The following DENND2B variants were observed in gnomAD, a reference collection of about 807,000 sequenced individuals.
DENND2B encodes DENN domain-containing protein 2B.
DENND2B carries 32 observed loss-of-function variants against 116.0 expected under a neutral mutation model. That is an observed-to-expected ratio of 0.28 (90% CI 0.21 to 0.37). DENND2B has a LOEUF of 0.37. DENND2B is among the 10% of genes least tolerant of loss of function. DENND2B has a pLI of 1.00. For missense variants in DENND2B, 1,276 were observed against 1,477.7 expected, an observed-to-expected ratio of 0.86 and a Z score of 2.24; for synonymous variants, 588 against 583.9, an observed-to-expected ratio of 1.01 and a Z score of -0.10.
intron 2 of DENND2B, among the ~76,000 whole-genome samples, chr11:8,858,518 C>T (rs1050138452): frequency 1.3e-5 from 2 of 152,036 alleles, no homozygotes; most frequent in African/African-American, 4.8e-5. Context: ...ATCCTAGGAG[C>T]AGGCAAAGGC....
At chr11:8,729,401 A>G (rs77663512) in intron 3 of DENND2B, among the ~76,000 whole-genome samples, 1 of 152,210 alleles carries the variant, frequency 6.6e-6, no homozygotes, top group East Asian at 1.9e-4. Context: ...TTTTTCATCA[A>G]TCTTCCCAAT....
intron 14 of DENND2B, among the ~76,000 whole-genome samples, chr11:8,701,209 A>G (rs1053628086): frequency 1.6e-4 from 24 of 152,234 alleles, no homozygotes; most frequent in African/African-American, 5.1e-4. Context: ...CAACATGGCA[A>G]TTCCCACCGT....
intron 4 of DENND2B, among the ~76,000 whole-genome samples, chr11:8,833,145 G>A (rs1319034830): frequency 6.6e-6 from 1 of 152,202 alleles, no homozygotes; most frequent in Non-Finnish European, 1.5e-5. Flanking sequence ...CTCCCAGCTT[G>A]ATTCTCTCAG....
intron 3 of DENND2B, among the ~76,000 whole-genome samples, chr11:8,728,863 C>A (rs1166451229): frequency 6.6e-6 from 1 of 152,222 alleles, no homozygotes; most frequent in Admixed American, 6.5e-5. Context: ...TCTTGGTGCA[C>A]AGCAGGCTCT....
At chr11:8,855,207 T>A (rs76346649) in intron 3 of DENND2B, among the ~76,000 whole-genome samples, 1 of 146,956 alleles carries the variant, frequency 6.8e-6, no homozygotes, top group Non-Finnish European at 1.5e-5. Context: ...GAGGGAAGAG[T>A]AGAGAAGAGA....
rs2044430935 is a variant in DENND2B, at chr11:8,714,858, C to T, written c.1846-152G>A. 4.8e-6 allele frequency: 3 copies of T among 629,668 alleles called. No homozygotes were observed. In the Admixed American group the frequency reaches 8.5e-5, roughly 18 times the overall value. 39.0% of individuals were successfully genotyped at this position (629,668 alleles called of 1,614,324 possible). A position where few individuals can be genotyped will look rare whatever the true frequency, so the allele number is the denominator to read the frequency against. On this transcript the variant is annotated intron_variant, in intron 6 of 19. Transcript: ENST00000313726. ...AGGACTGGTCTAACTGCAGAACCGA[C>T]CTCAAGTGGTGACTCACCAGCCATG...
chr11:8,706,958 G>T (rs932753797), intron 13 of DENND2B, 127 bp downstream of exon 13: 4 of 1,228,548 alleles, frequency 3.3e-6, no homozygotes, highest in Non-Finnish European at 4.5e-6. Context: ...TAGTGATGGG[G>T]TACACAGACA....
At chr11:8,740,767 C>T (rs1009352341) in intron 2 of DENND2B, among the ~76,000 whole-genome samples, 2 of 151,702 alleles carry the variant, frequency 1.3e-5, no homozygotes, top group South Asian at 2.1e-4. Flanking sequence ...TCAGCATTCT[C>T]GGGCTTCTCT....
chr11:8,847,433 T>C (rs2062854097), intron 3 of DENND2B, among the ~76,000 whole-genome samples: 1 of 152,212 alleles, frequency 6.6e-6, no homozygotes, highest in South Asian at 2.1e-4. Flanking sequence ...ATCTCAATAG[T>C]ATATTTAAAA....
chr11:8,757,071 TC>T lies in DENND2B; in HGVS notation c.-25-6347del, dbSNP rs1371696108. ...CTCTGGAACTTTTCTACAAACTGCA[TC>T]CAGACAAACAGGCACAGTCGCAGGC... On this transcript the variant is annotated intron_variant, in intron 1 of 19. Coordinates refer to ENST00000313726, the MANE Select transcript of DENND2B (RefSeq NM_213618.2). 5 of 456,194 alleles carry T rather than the reference TC, an allele frequency of 1.1e-5. No individual in the cohort carries two copies. In the Admixed American group the frequency reaches 1.2e-4, roughly 11 times the overall value. The allele number at this position is 456,194 out of a possible 1,614,324, so 28.3% of individuals were successfully genotyped here.
At chr11:8,776,150 GCGCGCGCGCGCACACA>G (rs1375209837) in intron 1 of DENND2B, 4 of 289,630 alleles carry the variant, frequency 1.4e-5, no homozygotes, top group African/African-American at 3.2e-5. Context: ...GTGCGCGCAC[GCGCGCGCGCGCACACA>G]CACACACACA....
intron 1 of DENND2B, among the ~76,000 whole-genome samples, chr11:8,765,053 T>C (rs1328917656): frequency 6.6e-6 from 1 of 151,890 alleles, no homozygotes; most frequent in Non-Finnish European, 1.5e-5. Flanking sequence ...AGCCATCTAG[T>C]TCAGAAGGCT....
intron 2 of DENND2B, among the ~76,000 whole-genome samples, chr11:8,878,000 G>C (rs1232381153): frequency 6.6e-6 from 1 of 152,188 alleles, no homozygotes; most frequent in Non-Finnish European, 1.5e-5. Context: ...AACTAGTAGA[G>C]ATTCTTACTA....
At chr11:8,899,033 C>T (rs557809026) in intron 1 of DENND2B, among the ~76,000 whole-genome samples, 1 of 151,896 alleles carries the variant, frequency 6.6e-6, no homozygotes, top group Non-Finnish European at 1.5e-5. Context: ...TAAAACAAAA[C>T]AAATTATGGA....
chr11:8,767,663 T>G (rs2056095584), intron 1 of DENND2B, among the ~76,000 whole-genome samples: 1 of 152,150 alleles, frequency 6.6e-6, no homozygotes, highest in South Asian at 2.1e-4. Context: ...GACTCACTCA[T>G]TCCGCAAGTA....
chr11:8,908,030 T>A (rs2064261563), intron 1 of DENND2B, among the ~76,000 whole-genome samples: 1 of 152,168 alleles, frequency 6.6e-6, no homozygotes, highest in Admixed American at 6.6e-5. Context: ...AGAAGTCTAT[T>A]TAACTTAAAA....
chr11:8,743,549 C>CAA (rs201300153), intron 2 of DENND2B, among the ~76,000 whole-genome samples: 35 of 148,460 alleles, frequency 2.4e-4, no homozygotes, highest in African/African-American at 8.6e-4. Flanking sequence ...GACCCTGTCT[C>CAA]AAAAAAAAAA....
At chr11:8,859,078 G>A (rs1325070096) in intron 2 of DENND2B, among the ~76,000 whole-genome samples, 1 of 152,164 alleles carries the variant, frequency 6.6e-6, no homozygotes, top group Non-Finnish European at 1.5e-5. Flanking sequence ...TTTGGCCCAA[G>A]ATTTGCCATA....
chr11:8,832,832 A>T (rs1416914949), intron 4 of DENND2B, among the ~76,000 whole-genome samples: 1 of 152,246 alleles, frequency 6.6e-6, no homozygotes, highest in Admixed American at 6.5e-5. Flanking sequence ...GCGAGGACAC[A>T]GTGGTGGGAA....
Sources: allele counts gnomAD v4.1 joint callset (sites outside exome capture counted in the v4.1 genomes callset), GRCh38; gene constraint gnomAD v4.1.1; transcripts MANE v1.5; gene names NCBI Gene and HGNC (gene_info 2026-07-23, HGNC 2026-07-21).